Variants in ZBTB20 observed in about 807,000 individuals in gnomAD.
The protein encoded by ZBTB20 is zinc finger and BTB domain containing 20.
In ZBTB20, 9 loss-of-function variants were observed where a neutral mutation model predicts 56.9. The ratio of observed to expected loss-of-function variants is 0.16; its 90% CI spans 0.10 to 0.28. The LOEUF is 0.28. ZBTB20 is among the 10% of genes least tolerant of loss of function. The pLI is 1.00. For missense variants in ZBTB20, 655 were observed against 1,003.0 expected (o/e 0.65, Z 4.69); for synonymous variants, 417 against 420.7 (o/e 0.99, Z 0.11).
chr3:114,739,624 C>T (rs1560191065), intron 5 of ZBTB20, among the ~76,000 whole-genome samples: 1 of 152,184 alleles, frequency 6.6e-6, no homozygotes, highest in East Asian at 1.9e-4. Flanking sequence ...ATTATGAAGG[C>T]TGTATCTGTA....
Position 114,320,347 on chromosome 3 carries a change from G to A in ZBTB20, c.*18658C>T, listed in dbSNP as rs919774171. The A allele has an allele frequency of 4.6e-5, 7 of 151,962 alleles. No individual in the cohort carries two copies. The highest frequency in any genetic ancestry group is 6.6e-5 in the Admixed American group (1 of 15,242). 9.4% of individuals were successfully genotyped at this position (151,962 alleles called of 1,614,324 possible). A position where few individuals can be genotyped will look rare whatever the true frequency, so the allele number is the denominator to read the frequency against. On this transcript the variant is annotated 3_prime_UTR_variant, in exon 12 of 12. Coordinates refer to ENST00000675478, the MANE Select transcript of ZBTB20 (RefSeq NM_001348800.3). ...TTTTAAATTAAAAGAAGAAATAAAC[G>A]TTTCCCCCCATCTTTCTAAAGGAAA...
intron 1 of ZBTB20, among the ~76,000 whole-genome samples, chr3:115,094,277 T>C (rs2083300408): frequency 6.6e-6 from 1 of 151,930 alleles, no homozygotes; most frequent in South Asian, 2.1e-4. Context: ...AGAGTATATT[T>C]ATTGGGCCAA....
At chr3:114,786,000 CTTAAT>C (rs2070459425) in intron 5 of ZBTB20, among the ~76,000 whole-genome samples, 1 of 150,854 alleles carries the variant, frequency 6.6e-6, no homozygotes, top group African/African-American at 2.4e-5. Flanking sequence ...CTTTTTTTTT[CTTAAT>C]TTAATTTTAA....
chr3:114,389,272 G>A (rs1240029452), intron 7 of ZBTB20, among the ~76,000 whole-genome samples, 167 bp from the exon 8 acceptor site: 2 of 152,176 alleles, frequency 1.3e-5, no homozygotes, highest in African/African-American at 4.8e-5. Context: ...AGAATGGAGA[G>A]GATGTTGTCC....
chr3:114,626,181 G>A (rs941304578), intron 6 of ZBTB20, among the ~76,000 whole-genome samples: 6 of 152,202 alleles, frequency 3.9e-5, no homozygotes, highest in African/African-American at 1.2e-4. Context: ...CCTCAGAGAT[G>A]CACAGATGTA....
intron 6 of ZBTB20, among the ~76,000 whole-genome samples, chr3:114,681,653 G>A (rs898192718): frequency 3.9e-5 from 6 of 152,156 alleles, no homozygotes; most frequent in Non-Finnish European, 1.5e-5. Context: ...GGGAAAGATA[G>A]CAAATAATAA....
At chr3:115,106,778 C>A (rs1185472239) in intron 1 of ZBTB20, among the ~76,000 whole-genome samples, 1 of 152,156 alleles carries the variant, frequency 6.6e-6, no homozygotes, top group African/African-American at 2.4e-5. Context: ...GACTAAGAGA[C>A]TCCCTCCCCA....
chr3:114,579,850 G>C (rs1044669322), intron 6 of ZBTB20, among the ~76,000 whole-genome samples: 4 of 151,594 alleles, frequency 2.6e-5, no homozygotes, highest in Admixed American at 6.6e-5. Flanking sequence ...AAATTGACTA[G>C]AGAAGAATCA....
At chr3:114,361,583 C>A (rs184513400) in intron 10 of ZBTB20, among the ~76,000 whole-genome samples, 21 of 152,194 alleles carry the variant, frequency 1.4e-4, no homozygotes, top group African/African-American at 5.1e-4. Context: ...CCCATTAAGC[C>A]CTAAAGAATA....
intron 7 of ZBTB20, among the ~76,000 whole-genome samples, chr3:114,441,591 G>A (rs2090930775): frequency 1.3e-5 from 2 of 152,098 alleles, no homozygotes; most frequent in South Asian, 2.1e-4. Flanking sequence ...ACTCAGACAT[G>A]TAAAGCGTGT....
At chr3:114,992,435 G>A (rs1257694732) in intron 2 of ZBTB20, among the ~76,000 whole-genome samples, 2 of 151,972 alleles carry the variant, frequency 1.3e-5, no homozygotes, top group Middle Eastern at 3.2e-3. Context: ...CATATAAAGA[G>A]ATATTCAGTA....
At chr3:114,409,183 C>A (rs571726100) in intron 7 of ZBTB20, among the ~76,000 whole-genome samples, 1 of 117,344 alleles carries the variant, frequency 8.5e-6, no homozygotes, top group Non-Finnish European at 1.6e-5. Context: ...AGCTTTCTGA[C>A]GTGAATGTGA....
intron 1 of ZBTB20, among the ~76,000 whole-genome samples, chr3:115,098,625 G>GA (rs1259048190): frequency 6.6e-6 from 1 of 152,076 alleles, no homozygotes; most frequent in Non-Finnish European, 1.5e-5. Flanking sequence ...TAAGCAAATT[G>GA]AAAGTCTCAG....
intron 5 of ZBTB20, among the ~76,000 whole-genome samples, chr3:114,706,668 C>T (rs1375269251): frequency 6.6e-6 from 1 of 152,040 alleles, no homozygotes; most frequent in Non-Finnish European, 1.5e-5. Context: ...CCACAGTGTC[C>T]AGCTAAGGAA....
chr3:114,676,664 T>C (rs1175890289), intron 6 of ZBTB20, among the ~76,000 whole-genome samples: 1 of 152,132 alleles, frequency 6.6e-6, no homozygotes, highest in Non-Finnish European at 1.5e-5. Flanking sequence ...CCCATAATAT[T>C]ATAAATGATA....
intron 10 of ZBTB20, among the ~76,000 whole-genome samples, chr3:114,360,757 T>C (rs534569050): frequency 6.6e-6 from 1 of 152,104 alleles, no homozygotes; most frequent in Non-Finnish European, 1.5e-5. Context: ...ATCTGTTTTG[T>C]TGGATGACTG....
At chr3:114,681,225 T>A (rs1007642273) in intron 6 of ZBTB20, among the ~76,000 whole-genome samples, 2 of 151,398 alleles carry the variant, frequency 1.3e-5, no homozygotes, top group African/African-American at 4.9e-5. Flanking sequence ...AGTGGTGCGA[T>A]CTTGGCTCAC....
At chr3:114,376,639 G>GCTA (rs1460879866) in intron 10 of ZBTB20, among the ~76,000 whole-genome samples, 4 of 152,166 alleles carry the variant, frequency 2.6e-5, no homozygotes, top group African/African-American at 7.2e-5. Flanking sequence ...GCAGAATGAT[G>GCTA]CTACCTACGG....
intron 7 of ZBTB20, among the ~76,000 whole-genome samples, chr3:114,466,708 A>G (rs554656670): frequency 1.3e-5 from 2 of 152,348 alleles, no homozygotes; most frequent in African/African-American, 4.8e-5. Context: ...CCATCAATAC[A>G]TAAATCCAAT....
Sources: allele counts gnomAD v4.1 joint callset (sites outside exome capture counted in the v4.1 genomes callset), GRCh38; gene constraint gnomAD v4.1.1; transcripts MANE v1.5; gene names NCBI Gene and HGNC (gene_info 2026-07-23, HGNC 2026-07-21).